The following GRIP1 variants were observed in gnomAD, a reference collection of about 807,000 sequenced individuals.
GRIP1 encodes the protein glutamate receptor interacting protein 1.
Under a neutral mutation model 129.9 loss-of-function variants are expected in GRIP1, and 45 were observed. The ratio of observed to expected loss-of-function variants is 0.35; its 90% confidence interval spans 0.27 to 0.44. The LOEUF (loss-of-function observed/expected upper bound fraction) is 0.44. Among genes scored for constraint, GRIP1 ranks in the 20% least tolerant of loss-of-function variants. GRIP1 has a pLI of 1.00. For missense variants in GRIP1, 1,196 were observed against 1,396.8 expected (o/e 0.86, Z 2.29); for synonymous variants, 530 against 520.8 (o/e 1.02, Z -0.24).
chr12:66,914,536 A>T (rs1050744612), intron 1 of GRIP1, among the ~76,000 whole-genome samples: 12 of 152,236 alleles, frequency 7.9e-5, no homozygotes, highest in Non-Finnish European at 1.8e-4. Flanking sequence ...CATTCCTAGT[A>T]TGTTAGTTTC....
intron 1 of GRIP1, among the ~76,000 whole-genome samples, chr12:66,930,120 T>C (rs2041366573): frequency 6.6e-6 from 1 of 151,620 alleles, no homozygotes; most frequent in Non-Finnish European, 1.5e-5. Context: ...TTTTTTATTA[T>C]TACACTTTAA....
chr12:66,717,496 T>G (rs184399192), intron 1 of GRIP1, among the ~76,000 whole-genome samples: 236 of 152,206 alleles, frequency 1.6e-3, no homozygotes, highest in African/African-American at 5.2e-3. Flanking sequence ...ACAGATGCAA[T>G]GACAAGCATC....
intron 1 of GRIP1, among the ~76,000 whole-genome samples, chr12:66,894,102 C>T (rs2040705986): frequency 6.6e-6 from 1 of 152,216 alleles, no homozygotes; most frequent in African/African-American, 2.4e-5. Context: ...TGCCTTGCTT[C>T]CTCATCCATA....
chr12:66,617,970 A>G (rs2065116893), intron 1 of GRIP1, among the ~76,000 whole-genome samples: 1 of 152,034 alleles, frequency 6.6e-6, no homozygotes, highest in Non-Finnish European at 1.5e-5. Context: ...AGTATTTATC[A>G]ACATTATACA....
intron 1 of GRIP1, among the ~76,000 whole-genome samples, chr12:67,044,608 A>G (rs1175186221): frequency 2.0e-5 from 3 of 152,150 alleles, no homozygotes; most frequent in Non-Finnish European, 4.4e-5. Flanking sequence ...CCCAGGGTGT[A>G]TTATGTATAA....
At chr12:66,865,174 CAAG>C (rs972964851) in intron 1 of GRIP1, among the ~76,000 whole-genome samples, 2 of 152,076 alleles carry the variant, frequency 1.3e-5, no homozygotes, top group African/African-American at 4.8e-5. Context: ...GGAAGCACGG[CAAG>C]AAGACCATTG....
At chr12:66,996,897 C>A (rs537718143) in intron 1 of GRIP1, among the ~76,000 whole-genome samples, 2 of 152,122 alleles carry the variant, frequency 1.3e-5, no homozygotes, top group Admixed American at 6.6e-5. Context: ...CTGCCAGAGG[C>A]TGCTCACTTA....
At chr12:66,607,837 A>G (rs2064606574) in intron 1 of GRIP1, among the ~76,000 whole-genome samples, 1 of 152,170 alleles carries the variant, frequency 6.6e-6, no homozygotes, top group South Asian at 2.1e-4. Context: ...CCCACTAGCC[A>G]TTATTTCCAA....
At chr12:66,462,801 CAAAAAAAAAAA>C (rs34456744) in intron 9 of GRIP1, 112 bp downstream of exon 9, 6 of 363,772 alleles carry the variant, frequency 1.6e-5, no homozygotes, top group East Asian at 1.1e-4. Context: ...GACTCCATCT[CAAAAAAAAAAA>C]AAAAAAAAAA....
chr12:66,851,219 G>A (rs2137078673), intron 1 of GRIP1, among the ~76,000 whole-genome samples: 1 of 151,864 alleles, frequency 6.6e-6, no homozygotes, highest in African/African-American at 2.4e-5. Context: ...CTTTTCAAAA[G>A]CTTCATCATC....
intron 15 of GRIP1, among the ~76,000 whole-genome samples, chr12:66,407,698 G>A (rs1251391629): frequency 6.6e-6 from 1 of 152,128 alleles, no homozygotes; most frequent in African/African-American, 2.4e-5. Context: ...CAGAACTTGA[G>A]TTCCAACACG....
Position 66,421,602 on chromosome 12 carries a change from T to C in GRIP1, c.1769-813A>G, listed in dbSNP as rs140893906. Among the ~76,000 whole-genome samples the C allele has an allele frequency of 9.0e-3, 1,373 of 151,916 alleles. 23 individuals carry two copies. The highest frequency in any genetic ancestry group is 0.031 in the African/African-American group (1,278 of 41,420). ...CCTCACAAGGAAATCTTTTGCTAGA[T>C]GGACTCTAAATCTTTAAATTCTGCT... On this transcript the variant is annotated intron_variant, in intron 14 of 24. Transcript: ENST00000359742.
chr12:66,471,765 T>C (rs1592382515), intron 7 of GRIP1, among the ~76,000 whole-genome samples: 2 of 152,366 alleles, frequency 1.3e-5, no homozygotes, highest in African/African-American at 2.4e-5. Flanking sequence ...CAACACATTT[T>C]ATGATAGGAT....
chr12:67,055,699 C>A (rs761254973), intron 1 of GRIP1, among the ~76,000 whole-genome samples: 5 of 152,104 alleles, frequency 3.3e-5, no homozygotes, highest in Non-Finnish European at 5.9e-5. Flanking sequence ...CTAGTATGCA[C>A]TCATAACAGA....
chr12:66,638,237 A>T (rs2031591677), intron 1 of GRIP1, among the ~76,000 whole-genome samples: 1 of 152,284 alleles, frequency 6.6e-6, no homozygotes, highest in South Asian at 2.1e-4. Context: ...AACAAATACC[A>T]TATTTTGCAT....
chr12:66,580,577 T>C (rs1238115357), intron 2 of GRIP1, among the ~76,000 whole-genome samples: 70 of 146,262 alleles, frequency 4.8e-4, no homozygotes, highest in African/African-American at 1.6e-3. Flanking sequence ...ACCAAGCAAA[T>C]GGAAAACAAA....
At chr12:66,578,716 C>T (rs919537370) in intron 2 of GRIP1, among the ~76,000 whole-genome samples, 7 of 152,216 alleles carry the variant, frequency 4.6e-5, no homozygotes, top group South Asian at 4.1e-4. Flanking sequence ...GGGGCGCCCA[C>T]GATTGCCCAG....
chr12:66,474,390 C>G (rs543754551), intron 7 of GRIP1, among the ~76,000 whole-genome samples: 15 of 152,194 alleles, frequency 9.9e-5, no homozygotes, highest in African/African-American at 3.4e-4. Flanking sequence ...TGGAACTGAG[C>G]TGGAAAACAC....
chr12:66,361,428 A>T (rs2054758894), intron 23 of GRIP1, among the ~76,000 whole-genome samples: 2 of 152,232 alleles, frequency 1.3e-5, no homozygotes, highest in African/African-American at 4.8e-5. Flanking sequence ...CAACCAAAAA[A>T]GTTACACAGT....
Sources: gnomAD v4.1 joint callset for allele counts (sites outside exome capture counted in the v4.1 genomes callset) on GRCh38, gnomAD v4.1.1 for gene constraint, MANE v1.5 for transcripts, NCBI Gene and HGNC (gene_info 2026-07-23, HGNC 2026-07-21) for gene names.